The following APP variants were observed in gnomAD, a reference collection of about 807,000 sequenced individuals.
The protein encoded by APP is amyloid beta precursor protein, also known as amyloid-beta precursor protein.
A neutral mutation model predicts 101.4 loss-of-function variants in APP; 31 were observed. The observed-to-expected ratio is 0.31, with a 90% CI of 0.23 to 0.41. The LOEUF is 0.41. Among genes scored for constraint, APP ranks in the 10% least tolerant of loss-of-function variants. The probability of loss-of-function intolerance (pLI) is 1.00; values close to 1 mark genes in which losing one functional copy is unlikely to be tolerated. For synonymous variants in APP, 366 were observed against 364.4 expected (o/e 1.00, Z -0.05); for missense variants, 839 against 1,003.7 (o/e 0.84, Z 2.22).
intron 11 of APP, among the ~76,000 whole-genome samples, chr21:25,966,641 C>T (rs2041807620): frequency 2.0e-5 from 3 of 152,128 alleles, no homozygotes; most frequent in Admixed American, 2.0e-4. Context: ...CCCATATTTG[C>T]TTTGGAGATA....
chr21:26,112,343 T>C (rs1471164653), intron 1 of APP, among the ~76,000 whole-genome samples, 197 bp from the exon 2 acceptor site: 1 of 152,230 alleles, frequency 6.6e-6, no homozygotes, highest in Non-Finnish European at 1.5e-5. Context: ...GGCAATGCTT[T>C]CTTTTATACT....
chr21:25,998,676 C>G (rs2043152486), intron 7 of APP, among the ~76,000 whole-genome samples: 1 of 152,104 alleles, frequency 6.6e-6, no homozygotes, highest in South Asian at 2.1e-4. Context: ...GAGAATTAGG[C>G]AGGAGTCTCT....
chr21:26,039,795 T>G (rs1455920388), intron 5 of APP, among the ~76,000 whole-genome samples: 1 of 152,018 alleles, frequency 6.6e-6, no homozygotes, highest in Non-Finnish European at 1.5e-5. Flanking sequence ...AAGCACTTAA[T>G]TTTTTTAATT....
chr21:26,023,227 T>C (rs1054760466), intron 5 of APP, among the ~76,000 whole-genome samples: 9 of 151,916 alleles, frequency 5.9e-5, no homozygotes, highest in East Asian at 1.9e-4. Flanking sequence ...GGAAGGCTTA[T>C]TGAAACACAG....
At chr21:26,024,761 T>G (rs144906219) in intron 5 of APP, among the ~76,000 whole-genome samples, 27 of 152,162 alleles carry the variant, frequency 1.8e-4, no homozygotes, top group Non-Finnish European at 3.5e-4. Context: ...AAGAATAGTA[T>G]AAAGGGCGTT....
chr21:26,022,230 T>TA (rs1360824084), intron 5 of APP, among the ~76,000 whole-genome samples, 188 bp from the exon 6 acceptor site: 8 of 152,136 alleles, frequency 5.3e-5, no homozygotes, highest in African/African-American at 2.4e-5. Flanking sequence ...GGACAGTTCT[T>TA]AGTTTCTGCA....
chr21:25,963,056 C>T (rs2041649282), intron 11 of APP, among the ~76,000 whole-genome samples: 1 of 152,190 alleles, frequency 6.6e-6, no homozygotes. Flanking sequence ...TCAGGTGATC[C>T]ACCTGCCTCG....
rs372968019 is a variant in APP at position 25,970,629 on chromosome 21, C to T, written c.1458+4441G>A. ...AATTTTGGCAAATAGAAAATGAAAA[C>T]GCTAATATGAATATTCTTTTTCAAA... is the stretch of plus-strand genomic sequence containing the variant. On this transcript the variant is annotated intron_variant, in intron 11 of 17. Coordinates refer to ENST00000346798, the MANE Select transcript of APP (RefSeq NM_000484.4). Among the ~76,000 whole-genome samples the T allele has an allele frequency of 4.5e-4, 69 of 152,214 alleles. 1 individual carries two copies. The highest frequency in any genetic ancestry group is 1.3e-3 in the African/African-American group (52 of 41,528).
chr21:26,124,406 T>C (rs1465657032), intron 1 of APP, among the ~76,000 whole-genome samples: 3 of 152,250 alleles, frequency 2.0e-5, no homozygotes, highest in African/African-American at 7.2e-5. Flanking sequence ...CTATTAGCTA[T>C]GTTGCTCAAT....
At chr21:26,163,082 A>C (rs935109976) in intron 1 of APP, among the ~76,000 whole-genome samples, 1 of 150,158 alleles carries the variant, frequency 6.7e-6, no homozygotes, top group African/African-American at 2.5e-5. Flanking sequence ...AAAAAAAACA[A>C]AAACAAAAAT....
chr21:26,139,130 T>C (rs2062985997), intron 1 of APP, among the ~76,000 whole-genome samples: 1 of 151,892 alleles, frequency 6.6e-6, no homozygotes, highest in Non-Finnish European at 1.5e-5. Flanking sequence ...GATGCAACAT[T>C]ACGTAAGGGA....
chr21:25,982,722 A>C (rs1014805007), intron 8 of APP, among the ~76,000 whole-genome samples: 2 of 152,240 alleles, frequency 1.3e-5, no homozygotes, highest in African/African-American at 4.8e-5. Context: ...TCCATTTTGC[A>C]ATTATAGCAT....
At chr21:26,022,808 C>T (rs113575254) in intron 5 of APP, among the ~76,000 whole-genome samples, 81 of 151,074 alleles carry the variant, frequency 5.4e-4, no homozygotes, top group South Asian at 3.5e-3. Context: ...GGTTTAAAAA[C>T]TGCAACTGAG....
intron 6 of APP, among the ~76,000 whole-genome samples, chr21:26,013,273 C>T (rs1183714069): frequency 6.6e-6 from 1 of 152,050 alleles, no homozygotes; most frequent in Non-Finnish European, 1.5e-5. Context: ...GCCGAGATCG[C>T]GCCATTGCAC....
chr21:26,030,552 A>T (rs1270944530), intron 5 of APP, among the ~76,000 whole-genome samples: 1 of 152,220 alleles, frequency 6.6e-6, no homozygotes, highest in Non-Finnish European at 1.5e-5. Flanking sequence ...CAAGACTTAA[A>T]TTTGGAATAT....
chr21:26,137,273 G>A (rs114929921), intron 1 of APP, among the ~76,000 whole-genome samples: 1,576 of 152,286 alleles, frequency 0.01, 19 homozygotes, highest in African/African-American at 0.036. Context: ...GTTCCTCAGA[G>A]GTGCGCCAGT....
intron 1 of APP, among the ~76,000 whole-genome samples, chr21:26,170,251 C>T (rs893992320): frequency 8.5e-5 from 13 of 152,166 alleles, no homozygotes; most frequent in African/African-American, 2.4e-4. Context: ...CCCCGACCCC[C>T]GCTTCCAAGG....
At chr21:25,960,911 A>G (rs570462827) in intron 11 of APP, among the ~76,000 whole-genome samples, 1 of 152,302 alleles carries the variant, frequency 6.6e-6, no homozygotes, top group East Asian at 1.9e-4. Context: ...ACAAAATCAG[A>G]TTACCTTCTT....
At chr21:26,050,119 C>T (rs1326128450) in intron 5 of APP, among the ~76,000 whole-genome samples, 2 of 151,930 alleles carry the variant, frequency 1.3e-5, no homozygotes, top group African/African-American at 4.8e-5. Flanking sequence ...TATGGGGGCC[C>T]TAGTAGCAGA....
Sources: gnomAD v4.1 joint callset for allele counts (sites outside exome capture counted in the v4.1 genomes callset) on GRCh38, gnomAD v4.1.1 for gene constraint, MANE v1.5 for transcripts, NCBI Gene and HGNC (gene_info 2026-07-23, HGNC 2026-07-21) for gene names.